Variants in LRRC40 observed in about 807,000 individuals in gnomAD.
LRRC40 encodes leucine rich repeat containing 40.
In LRRC40, 76 loss-of-function variants were observed where a neutral mutation model predicts 72.8. The ratio of observed to expected loss-of-function variants is 1.04; its 90% confidence interval spans 0.87 to 1.26. The LOEUF (loss-of-function observed/expected upper bound fraction) is 1.26, where lower values mean the gene tolerates loss of function less well. Ranked by LOEUF, LRRC40 falls within the 50% of genes most tolerant of loss-of-function variation. The pLI, the probability that LRRC40 is intolerant of heterozygous loss-of-function variation, is 0.00. For missense variants in LRRC40, 684 were observed against 698.9 expected, an observed-to-expected ratio of 0.98 and a Z score of 0.24; for synonymous variants, 243 against 254.2, an observed-to-expected ratio of 0.96 and a Z score of 0.42.
At chr1:70,155,851 T>G (rs1052626370) in intron 10 of LRRC40, 55 bp from the exon 11 acceptor site, 1 of 683,436 alleles carries the variant, frequency 1.5e-6, no homozygotes. Context: ...CAAAAAGATA[T>G]GATTATTACT....
At chr1:70,163,743 C>T (rs1667815844) in intron 9 of LRRC40, among the ~76,000 whole-genome samples, 3 of 152,122 alleles carry the variant, frequency 2.0e-5, no homozygotes. Flanking sequence ...GCTAGATGAT[C>T]CTGGTGACGG....
chr1:70,168,889 C>G (rs1473735752), intron 9 of LRRC40, among the ~76,000 whole-genome samples: 1 of 152,022 alleles, frequency 6.6e-6, no homozygotes, highest in East Asian at 1.9e-4. Flanking sequence ...ACACAACATA[C>G]CAAAACGTAT....
At chr1:70,152,568 G>C (rs374855382) in intron 11 of LRRC40, 25 bp from the exon 12 acceptor site, 1 of 1,256,710 alleles carries the variant, frequency 8.0e-7, no homozygotes, top group Non-Finnish European at 1.2e-6. Context: ...ATTTTAAAAT[G>C]TTAGCACTTG....
chr1:70,146,027 TTTTA>T, intron 14 of LRRC40, 122 bp from the exon 15 acceptor site: 1 of 553,476 alleles, frequency 1.8e-6, no homozygotes, highest in Non-Finnish European at 3.1e-6. Context: ...CCCTTTTTAT[TTTTA>T]TTTCTTTTTT....
intron 1 of LRRC40, among the ~76,000 whole-genome samples, chr1:70,200,247 G>A (rs898201213): frequency 1.3e-5 from 2 of 152,160 alleles, no homozygotes; most frequent in African/African-American, 4.8e-5. Flanking sequence ...CAGGAGGATT[G>A]TGGACAGAGG....
At chr1:70,166,071 T>C (rs1464130234) in intron 9 of LRRC40, among the ~76,000 whole-genome samples, 1 of 152,262 alleles carries the variant, frequency 6.6e-6, no homozygotes, top group Non-Finnish European at 1.5e-5. Flanking sequence ...TGCACACACA[T>C]AATTGTTCTC....
At chr1:70,185,875 T>C (rs1298082203) in intron 3 of LRRC40, among the ~76,000 whole-genome samples, 1 of 152,220 alleles carries the variant, frequency 6.6e-6, no homozygotes, top group Non-Finnish European at 1.5e-5. Context: ...ATGACTGAAC[T>C]AGTTCCCAGG....
intron 14 of LRRC40, chr1:70,147,190 T>A (rs1350269644): frequency 1.3e-5 from 2 of 152,162 alleles, no homozygotes; most frequent in East Asian, 3.9e-4. Flanking sequence ...ACGGGCATGT[T>A]CCCAGGTGAG....
chr1:70,178,893 T>C lies in LRRC40; in HGVS notation c.762A>G (p.Lys254=), dbSNP rs1668168758. The C allele has an allele frequency of 1.3e-6, 2 of 1,598,262 alleles. No homozygotes were observed. Among genetic ancestry groups the C allele is most frequent in the South Asian group, 1.1e-5 (1 of 89,372 alleles). ...AAGGAAATTCTGGTAGAAAACGTAA[T>C]TTATTCCTCCGCAAATAAAGCAATT... The part of the protein sequence containing the change: ...SLELLYLRRN[K]LRFLPEFPSC... Residue 254 remains lysine, a synonymous_variant, in exon 6 of 15, where the codon AAA becomes AAG. Transcript: ENST00000370952.
At chr1:70,149,336 C>T (rs185452975) in intron 13 of LRRC40, among the ~76,000 whole-genome samples, 1 of 152,108 alleles carries the variant, frequency 6.6e-6, no homozygotes. Context: ...GAGCTTTGGC[C>T]TTTTCATTTC....
chr1:70,172,990 T>C (rs1303773149), intron 9 of LRRC40, among the ~76,000 whole-genome samples: 1 of 152,130 alleles, frequency 6.6e-6, no homozygotes, highest in Non-Finnish European at 1.5e-5. Context: ...ATTAAGTTTA[T>C]TGTATTATTT....
At chr1:70,177,819 A>G (rs1402532205) in intron 6 of LRRC40, among the ~76,000 whole-genome samples, 1 of 152,180 alleles carries the variant, frequency 6.6e-6, no homozygotes, top group Non-Finnish European at 1.5e-5. Context: ...AGGTCCACTT[A>G]TATGTGGATT....
intron 2 of LRRC40, among the ~76,000 whole-genome samples, chr1:70,188,554 G>A (rs1668419590): frequency 1.3e-5 from 2 of 152,048 alleles, no homozygotes; most frequent in Admixed American, 1.3e-4. Context: ...GGGAAACATA[G>A]TGAGACCCTC....
rs1272582864 is a variant in LRRC40 at position 70,181,182 on chromosome 1, C to T, written c.565G>A (p.Val189Ile). Residue 189 changes from valine to isoleucine, a missense_variant, in exon 5 of 15, where the codon GTT (valine) becomes ATT (isoleucine). Physicochemically the swap from Val to Ile is conservative, Grantham distance 29. Transcript: ENST00000370952. ...LDLSNNHLTT[V>I]PASFSSLSSL... ...GACAGAGAAGAAAAACTAGCAGGAA[C>T]AGTTGTAAGATGATTGTTTGAAAGA... The T allele has an allele frequency of 1.3e-6, 2 of 1,590,060 alleles. No individual in the cohort carries two copies. Among genetic ancestry groups the T allele is most frequent in the Non-Finnish European group, 1.7e-6 (2 of 1,169,918 alleles).
rs573930319 is a variant in LRRC40, at chr1:70,163,869, T to C, written c.1112-4431A>G. Among the ~76,000 whole-genome samples the C allele has an allele frequency of 1.1e-4, 16 of 152,174 alleles. 1 individual carries two copies. Among genetic ancestry groups the C allele is most frequent in the East Asian group, 9.7e-4 (5 of 5,174 alleles). On this transcript the variant is annotated intron_variant, in intron 9 of 14. Transcript: ENST00000370952. ...TAATGCCACGATGGCATAATTGGGG[T>C]TGGCACCTGTCTTAGTCCATTTGTG...
chr1:70,180,147 G>T (rs1668210144), intron 5 of LRRC40: 1 of 152,060 alleles, frequency 6.6e-6, no homozygotes, highest in Non-Finnish European at 1.5e-5. Context: ...GAGAGAGAGA[G>T]AAGAGGTCTC....
At chr1:70,193,657 G>C in intron 1 of LRRC40, among the ~76,000 whole-genome samples, 1 of 151,896 alleles carries the variant, frequency 6.6e-6, no homozygotes, top group South Asian at 2.1e-4. Flanking sequence ...CATTAAAAGA[G>C]AAAATAAAAC....
chr1:70,164,895 C>A (rs1371024769), intron 9 of LRRC40, among the ~76,000 whole-genome samples: 2 of 152,094 alleles, frequency 1.3e-5, no homozygotes, highest in Non-Finnish European at 2.9e-5. Flanking sequence ...GAACAGAGAA[C>A]AAGTAAATAA....
chr1:70,175,675 T>G, intron 7 of LRRC40, 135 bp downstream of exon 7: 1 of 620,270 alleles, frequency 1.6e-6, no homozygotes, highest in Non-Finnish European at 2.7e-6. Context: ...TATCTGTACA[T>G]AACTACTGCT....
Sources: allele counts gnomAD v4.1 joint callset (sites outside exome capture counted in the v4.1 genomes callset), GRCh38; gene constraint gnomAD v4.1.1; transcripts MANE v1.5; gene names NCBI Gene and HGNC (gene_info 2026-07-23, HGNC 2026-07-21).